The following COL8A1 variants were observed in gnomAD, a reference collection of about 807,000 sequenced individuals.
COL8A1 encodes the protein collagen alpha-1(VIII) chain.
In COL8A1, 21 loss-of-function variants were observed where a neutral mutation model predicts 42.7. The ratio of observed to expected loss-of-function variants is 0.49; its 90% confidence interval spans 0.35 to 0.71. The LOEUF (loss-of-function observed/expected upper bound fraction) is 0.71, where lower values mean the gene tolerates loss of function less well. COL8A1 is among the 30% of genes least tolerant of loss of function. The probability of loss-of-function intolerance (pLI) is 0.01; values close to 1 mark genes in which losing one functional copy is unlikely to be tolerated. For missense variants in COL8A1, 788 were observed against 962.4 expected (o/e 0.82, Z 2.40); for synonymous variants, 367 against 369.1 (o/e 0.99, Z 0.06).
At chr3:99,694,580 A>C (rs1378452218) in intron 1 of COL8A1, among the ~76,000 whole-genome samples, 1 of 152,238 alleles carries the variant, frequency 6.6e-6, no homozygotes, top group African/African-American at 2.4e-5. Flanking sequence ...ATCACATCAG[A>C]GAATTGTCAA....
Position 99,796,264 on chromosome 3 carries a change from A to G in COL8A1, c.*128A>G. The G allele has an allele frequency of 1.3e-6, 1 of 750,290 alleles. No individual in the cohort carries two copies. Among genetic ancestry groups the G allele is most frequent in the Non-Finnish European group, 2.0e-6 (1 of 496,868 alleles). The allele number at this position is 750,290 out of a possible 1,614,324, so 46.5% of individuals were successfully genotyped here. Reference sequence around the variant, plus strand: ...CAGTTGGAAAGTTATATGTAAGTGAAAATTTGGACCATTGTGTACAAATAA... The same window carrying G: ...CAGTTGGAAAGTTATATGTAAGTGAGAATTTGGACCATTGTGTACAAATAA... On this transcript the variant is annotated 3_prime_UTR_variant, in exon 4 of 4. Coordinates refer to ENST00000652472, the MANE Select transcript of COL8A1 (RefSeq NM_020351.4).
rs117744334 is a variant in COL8A1 at position 99,794,939 on chromosome 3, C to T, written c.1038C>T (p.Gly346=). Residue 346 remains glycine, a synonymous_variant, in exon 4 of 4, where the codon GGC becomes GGT. Coordinates refer to ENST00000652472, the MANE Select transcript of COL8A1 (RefSeq NM_020351.4). This position sits in a 1 kb window ranked among gnomAD's most constrained non-coding sequence, Gnocchi z 4.3. ...QGLPGLPGPP[G]LPGIGKPGFP... is the part of the protein sequence containing the mutation. Reference sequence around the variant, plus strand: ...TGCCAGGGCTACCAGGACCCCCAGGCCTTCCAGGGATTGGGAAACCAGGCT... The same window carrying T: ...TGCCAGGGCTACCAGGACCCCCAGGTCTTCCAGGGATTGGGAAACCAGGCT... The T allele has an allele frequency of 1.4e-4, 220 of 1,593,828 alleles. No individual in the cohort carries two copies. The East Asian group carries it at 4.9e-3, about 35-fold the overall frequency.
chr3:99,698,829 T>C (rs752737742), intron 1 of COL8A1, among the ~76,000 whole-genome samples: 2 of 152,188 alleles, frequency 1.3e-5, no homozygotes, highest in African/African-American at 2.4e-5. Context: ...AGTGTTAACG[T>C]TGAATAAAAT....
chr3:99,655,562 G>A (rs1010561313), intron 1 of COL8A1, among the ~76,000 whole-genome samples: 2 of 152,152 alleles, frequency 1.3e-5, no homozygotes, highest in Non-Finnish European at 1.5e-5. Context: ...TGACTCGCTG[G>A]AGAAAAACTA....
intron 2 of COL8A1, among the ~76,000 whole-genome samples, chr3:99,760,515 T>A (rs1027923588): frequency 2.0e-5 from 3 of 152,176 alleles, no homozygotes; most frequent in African/African-American, 7.2e-5. Flanking sequence ...AAAAGATAGA[T>A]AGGAATTTTT....
At chr3:99,693,800 G>A (rs1347889258) in intron 1 of COL8A1, among the ~76,000 whole-genome samples, 3 of 152,190 alleles carry the variant, frequency 2.0e-5, no homozygotes, top group Non-Finnish European at 4.4e-5. Flanking sequence ...ATAATGTGCA[G>A]TAGTGTCCTG....
chr3:99,701,416 A>G (rs138314094), intron 1 of COL8A1, among the ~76,000 whole-genome samples: 4 of 152,260 alleles, frequency 2.6e-5, no homozygotes, highest in East Asian at 3.9e-4. Context: ...ATGGGTGAGA[A>G]TTTTCCTTAC....
intron 1 of COL8A1, among the ~76,000 whole-genome samples, chr3:99,669,146 T>TATATATATATATAGAGAGAGAGAGAG: frequency 8.7e-6 from 1 of 115,392 alleles, no homozygotes; most frequent in African/African-American, 3.0e-5. Flanking sequence ...TATATATATA[T>TATATATATATATAGAGAGAGAGAGAG]AGAGGGAGAG....
intron 1 of COL8A1, among the ~76,000 whole-genome samples, chr3:99,713,184 G>C (rs1576443607): frequency 6.6e-6 from 1 of 152,050 alleles, no homozygotes; most frequent in African/African-American, 2.4e-5. Flanking sequence ...TACAGATAAG[G>C]AGGCTGAGGA....
chr3:99,789,574 A>G (rs948149988), intron 2 of COL8A1, among the ~76,000 whole-genome samples: 3 of 152,308 alleles, frequency 2.0e-5, no homozygotes, highest in African/African-American at 7.2e-5. Context: ...GCATTTGCCA[A>G]CAATGCACTT....
At chr3:99,736,528 T>C (rs1423719845) in intron 1 of COL8A1, among the ~76,000 whole-genome samples, 3 of 152,132 alleles carry the variant, frequency 2.0e-5, no homozygotes, top group African/African-American at 2.4e-5. Flanking sequence ...AGTTTCCATG[T>C]AGTTGAGCGG....
At chr3:99,680,008 T>A (rs1020934220) in intron 1 of COL8A1, 4 of 152,300 alleles carry the variant, frequency 2.6e-5, no homozygotes, top group South Asian at 2.1e-4. Context: ...TTCTTTTTTT[T>A]ATTATACTTT....
rs114710247 is a variant in COL8A1 at position 99,724,646 on chromosome 3, T to C, written c.-128-20251T>C. 4.0e-3 allele frequency among the ~76,000 whole-genome samples: 602 copies of C among 152,256 alleles called. 2 individuals are homozygous for C. The highest frequency in any genetic ancestry group is 0.014 in the African/African-American group (575 of 41,574). The stretch of plus-strand genomic sequence containing the variant: ...CTTCCTTTACATCAGTCTTCCTCAC[T>C]GACCCAAGAAGACAGAGATAAGTCA... On this transcript the variant is annotated intron_variant, in intron 1 of 3. Coordinates refer to ENST00000652472, the MANE Select transcript of COL8A1 (RefSeq NM_020351.4).
At chr3:99,734,151 T>A (rs1386265865) in intron 1 of COL8A1, among the ~76,000 whole-genome samples, 1 of 151,094 alleles carries the variant, frequency 6.6e-6, no homozygotes, top group Admixed American at 6.6e-5. Context: ...CTCTTTAGTT[T>A]AATTAGATCC....
chr3:99,710,109 C>A (rs964421238), intron 1 of COL8A1, among the ~76,000 whole-genome samples: 1 of 152,154 alleles, frequency 6.6e-6, no homozygotes, highest in Non-Finnish European at 1.5e-5. Flanking sequence ...CATGTGCACA[C>A]ACATTTAACA....
intron 2 of COL8A1, among the ~76,000 whole-genome samples, chr3:99,786,148 A>C (rs961022267): frequency 6.6e-6 from 1 of 152,180 alleles, no homozygotes; most frequent in Non-Finnish European, 1.5e-5. Context: ...ATCTCTATCC[A>C]AAATTTACTT....
intron 2 of COL8A1, among the ~76,000 whole-genome samples, chr3:99,762,137 A>G (rs935889245): frequency 6.6e-6 from 1 of 152,218 alleles, no homozygotes; most frequent in Admixed American, 6.5e-5. Context: ...AGATAAGGAA[A>G]TAATAAAAAT....
chr3:99,755,194 T>C (rs1183982212), intron 2 of COL8A1, among the ~76,000 whole-genome samples: 1 of 152,132 alleles, frequency 6.6e-6, no homozygotes, highest in African/African-American at 2.4e-5. Context: ...TTTAAACAAC[T>C]TGAAAAAATA....
At chr3:99,752,943 C>A (rs1349535231) in intron 2 of COL8A1, among the ~76,000 whole-genome samples, 1 of 152,018 alleles carries the variant, frequency 6.6e-6, no homozygotes, top group African/African-American at 2.4e-5. Context: ...GCCCTGGAGC[C>A]CGGCTCTGCC....
Sources: allele counts gnomAD v4.1 joint callset (sites outside exome capture counted in the v4.1 genomes callset), GRCh38; gene constraint gnomAD v4.1.1; non-coding constraint Gnocchi (gnomAD v3.1); transcripts MANE v1.5; gene names NCBI Gene and HGNC (gene_info 2026-07-23, HGNC 2026-07-21).